ZBTB7C: variants seen among roughly 807,000 people sequenced by gnomAD.
ZBTB7C encodes the protein zinc finger and BTB domain-containing protein 7C.
In ZBTB7C, 8 loss-of-function variants were observed where a neutral mutation model predicts 25.7. The ratio of observed to expected loss-of-function variants is 0.31; its 90% CI spans 0.18 to 0.56. The LOEUF (loss-of-function observed/expected upper bound fraction) is 0.56. ZBTB7C is among the 20% of genes least tolerant of loss of function. ZBTB7C has a pLI of 0.91. For missense variants in ZBTB7C, 824 were observed against 855.2 expected (o/e 0.96, Z 0.46); for synonymous variants, 394 against 369.0 (o/e 1.07, Z -0.78).
intron 3 of ZBTB7C, among the ~76,000 whole-genome samples, chr18:48,062,797 T>C (rs1016812649): frequency 6.6e-6 from 1 of 152,146 alleles, no homozygotes; most frequent in South Asian, 2.1e-4. Flanking sequence ...GACAGGGCCT[T>C]TTATGGTTGA....
chr18:48,095,680 C>T (rs1220889061), intron 3 of ZBTB7C, among the ~76,000 whole-genome samples: 1 of 151,590 alleles, frequency 6.6e-6, no homozygotes, highest in Non-Finnish European at 1.5e-5. Flanking sequence ...CCATTGCACT[C>T]CAGCCTGGGT....
intron 3 of ZBTB7C, among the ~76,000 whole-genome samples, chr18:48,111,645 A>G (rs935548735): frequency 6.6e-6 from 1 of 152,168 alleles, no homozygotes; most frequent in African/African-American, 2.4e-5. Flanking sequence ...GAGAGATGTG[A>G]TGAGGGGCCC....
chr18:48,214,580 T>C (rs1477629241), intron 2 of ZBTB7C, among the ~76,000 whole-genome samples: 1 of 152,250 alleles, frequency 6.6e-6, no homozygotes, highest in Admixed American at 6.5e-5. Context: ...ATGCTAATTA[T>C]AATACATCAG....
At chr18:48,243,478 G>T (rs181283297) in intron 2 of ZBTB7C, among the ~76,000 whole-genome samples, 8 of 152,060 alleles carry the variant, frequency 5.3e-5, no homozygotes, top group Admixed American at 3.9e-4. Flanking sequence ...GGAGATGAAA[G>T]ACCTCTACAA....
intron 1 of ZBTB7C, among the ~76,000 whole-genome samples, chr18:48,382,127 C>A (rs958724643): frequency 4.6e-5 from 7 of 152,192 alleles, no homozygotes; most frequent in Non-Finnish European, 8.8e-5. Flanking sequence ...GCTAAATTTT[C>A]ACCTTCCACT....
intron 2 of ZBTB7C, among the ~76,000 whole-genome samples, chr18:48,327,507 C>T (rs2046247245): frequency 6.6e-6 from 1 of 152,220 alleles, no homozygotes; most frequent in African/African-American, 2.4e-5. Context: ...GCCATGAGCA[C>T]ACTTGATCCA....
chr18:48,039,225 C>A (rs560417951), intron 4 of ZBTB7C, among the ~76,000 whole-genome samples: 58 of 152,332 alleles, frequency 3.8e-4, no homozygotes, highest in South Asian at 8.3e-4. Context: ...AGAGGCCCAG[C>A]CTTTAGGTCT....
chr18:48,231,278 C>G (rs1046750990), intron 2 of ZBTB7C, among the ~76,000 whole-genome samples: 2 of 152,120 alleles, frequency 1.3e-5, no homozygotes, highest in African/African-American at 4.8e-5. Context: ...TTTTCTGGAC[C>G]CTCCCATGGC....
intron 3 of ZBTB7C, among the ~76,000 whole-genome samples, chr18:48,086,952 C>A (rs1443846378): frequency 6.6e-6 from 1 of 152,138 alleles, no homozygotes; most frequent in East Asian, 1.9e-4. Flanking sequence ...CTACAAGGCG[C>A]TGTGCTAAAG....
chr18:48,072,610 A>G (rs2037593005), intron 3 of ZBTB7C: 1 of 152,198 alleles, frequency 6.6e-6, no homozygotes, highest in Non-Finnish European at 1.5e-5. Flanking sequence ...ACAAGCAAAG[A>G]CTGAAATAGG....
chr18:48,390,500 C>G (rs1338770769), intron 1 of ZBTB7C, among the ~76,000 whole-genome samples: 1 of 152,206 alleles, frequency 6.6e-6, no homozygotes, highest in African/African-American at 2.4e-5. Flanking sequence ...AGCAAAAGCG[C>G]CTCCCACTGT....
chr18:48,290,600 C>G (rs1050065896), intron 2 of ZBTB7C, among the ~76,000 whole-genome samples: 1 of 152,220 alleles, frequency 6.6e-6, no homozygotes, highest in African/African-American at 2.4e-5. Context: ...TGGGGACAGA[C>G]TGTGCTTCCT....
chr18:48,359,008 C>T (rs1016800932), intron 1 of ZBTB7C, among the ~76,000 whole-genome samples: 2 of 152,172 alleles, frequency 1.3e-5, no homozygotes, highest in Admixed American at 1.3e-4. Flanking sequence ...CCAATGCTTC[C>T]TGCTGTCCTG....
Position 48,151,789 on chromosome 18 carries a change from C to T in ZBTB7C, c.-17+34145G>A, listed in dbSNP as rs7505780. 1.2e-4 allele frequency among the ~76,000 whole-genome samples: 19 copies of T among 152,216 alleles called. 1 individual carries two copies. The highest frequency in any genetic ancestry group is 4.1e-4 in the South Asian group (2 of 4,832). ...TAGGAGCTCACGTTTCCATGCTTTT[C>T]GTGGTTTCTCTGCCTTGACAACTGG... On this transcript the variant is annotated intron_variant, in intron 3 of 4. Coordinates refer to ENST00000590800, the MANE Select transcript of ZBTB7C (RefSeq NM_001318841.2).
intron 3 of ZBTB7C, among the ~76,000 whole-genome samples, chr18:48,070,587 G>A (rs1476144498): frequency 6.6e-6 from 1 of 152,136 alleles, no homozygotes; most frequent in African/African-American, 2.4e-5. Context: ...CTAGAGAAGG[G>A]AAATCCCCCA....
chr18:48,178,269 T>G (rs1371270624), intron 3 of ZBTB7C, among the ~76,000 whole-genome samples: 6 of 152,216 alleles, frequency 3.9e-5, no homozygotes, highest in Admixed American at 3.9e-4. Flanking sequence ...GGTACTTGTC[T>G]GCACGGGAGG....
chr18:48,281,029 T>A (rs2044830582), intron 2 of ZBTB7C, among the ~76,000 whole-genome samples: 1 of 152,094 alleles, frequency 6.6e-6, no homozygotes, highest in African/African-American at 2.4e-5. Flanking sequence ...AATTTTTGTA[T>A]TTTTAATAGA....
At chr18:48,182,756 A>G (rs1439453262) in intron 3 of ZBTB7C, among the ~76,000 whole-genome samples, 1 of 152,234 alleles carries the variant, frequency 6.6e-6, no homozygotes, top group Admixed American at 6.5e-5. Flanking sequence ...CGGTGCTGAC[A>G]ATGCAGGAAA....
At position 48,029,591 on chromosome 18, in the gene ZBTB7C, G is replaced by T; in HGVS notation, c.1529C>A (p.Ala510Glu). Residue 510 changes from alanine (A) to glutamate (E), a missense_variant, in exon 5 of 5, where the codon GCG becomes GAG. Coordinates refer to ENST00000590800, the MANE Select transcript of ZBTB7C (RefSeq NM_001318841.2). ...PDKAAFVMPP[A>E]LGEVGGHLGG... ...CAGGTGGCCGCCCACCTCGCCCAGCGCAGGGGGCATCACGAAGGCCGCCTT... is the reference window on the plus strand; with the variant it reads ...CAGGTGGCCGCCCACCTCGCCCAGCTCAGGGGGCATCACGAAGGCCGCCTT... The T allele has an allele frequency of 6.7e-7, 1 of 1,495,972 alleles. No homozygotes were observed. The highest frequency in any genetic ancestry group is 1.4e-5 in the African/African-American group (1 of 70,670). 92.7% of individuals were successfully genotyped at this position (1,495,972 alleles called of 1,614,324 possible).
Sources: gnomAD v4.1 joint callset for allele counts (sites outside exome capture counted in the v4.1 genomes callset) on GRCh38, gnomAD v4.1.1 for gene constraint, MANE v1.5 for transcripts, NCBI Gene and HGNC (gene_info 2026-07-23, HGNC 2026-07-21) for gene names.